The following UBR3 variants were observed in gnomAD, a reference collection of about 807,000 sequenced individuals.
UBR3 encodes E3 ubiquitin-protein ligase UBR3.
Under a neutral mutation model 243.2 loss-of-function variants are expected in UBR3, and 85 were observed. The ratio of observed to expected loss-of-function variants is 0.35; its 90% CI spans 0.29 to 0.42. UBR3 has a LOEUF of 0.42. Ranked by LOEUF, UBR3 falls within the 10% of genes least tolerant of loss-of-function variation. UBR3 has a pLI of 1.00. For missense variants in UBR3, 1,686 were observed against 2,300.8 expected (o/e 0.73, Z 5.47); for synonymous variants, 748 against 799.8 (o/e 0.94, Z 1.09).
At chr2:169,986,921 G>A in intron 25 of UBR3, 127 bp downstream of exon 25, 1 of 963,140 alleles carries the variant, frequency 1.0e-6, no homozygotes, top group Non-Finnish European at 1.5e-6. Flanking sequence ...GGTCAGTTTA[G>A]ATCCAAATAA....
Position 169,895,297 on chromosome 2 carries a change from G to A in UBR3, c.1222G>A (p.Asp408Asn), listed in dbSNP as rs1453399401. 2 of 1,543,196 alleles carry A rather than the reference G, an allele frequency of 1.3e-6. No homozygotes were observed. Reference protein sequence around the residue: ...MVTFLLNMLPDQEYKVAFTKT... With the variant: ...MVTFLLNMLPNQEYKVAFTKT... ...AACTTTCTTACTCAACATGCTTCCA[G>A]ATCAAGAGTATAAGGTATCTATATA... The change falls in exon 7 of 39, where the codon GAT becomes AAT. Residue 408 changes from aspartate (D) to asparagine (N), a missense_variant. Asp to Asn is a conservative substitution (Grantham distance 23, BLOSUM62 1). Transcript: ENST00000272793.
At chr2:170,034,226 G>C (rs1052758914) in intron 31 of UBR3, among the ~76,000 whole-genome samples, 11 of 151,856 alleles carry the variant, frequency 7.2e-5, no homozygotes, top group Non-Finnish European at 1.0e-4. Context: ...CACTCTTGCT[G>C]TTGAAGATTC....
chr2:169,832,741 C>T (rs1372222042), intron 1 of UBR3, among the ~76,000 whole-genome samples: 1 of 151,882 alleles, frequency 6.6e-6, no homozygotes, highest in Non-Finnish European at 1.5e-5. Flanking sequence ...TCAAGACCAG[C>T]CTGACCACAT....
At chr2:170,073,034 TTTTA>T (rs1574482765) in intron 35 of UBR3, among the ~76,000 whole-genome samples, 1 of 152,238 alleles carries the variant, frequency 6.6e-6, no homozygotes, top group East Asian at 1.9e-4. Flanking sequence ...AATTCCATGT[TTTTA>T]TTATTGTTCC....
At chr2:170,075,204 A>T (rs531032352) in intron 36 of UBR3, among the ~76,000 whole-genome samples, 31 of 151,572 alleles carry the variant, frequency 2.0e-4, no homozygotes, top group East Asian at 1.5e-3. Flanking sequence ...CCTTTTTTTA[A>T]AAAAAAAGGG....
intron 5 of UBR3, among the ~76,000 whole-genome samples, chr2:169,890,553 A>ATATATATATGTGTATATATATATATG (rs2084309489): frequency 7.3e-5 from 7 of 96,360 alleles, no homozygotes; most frequent in African/African-American, 3.2e-4. Context: ...ATATATATAT[A>ATATATATATGTGTATATATATATATG]TATATATATA....
chr2:169,842,041 A>T (rs1047593748), intron 1 of UBR3, among the ~76,000 whole-genome samples: 2 of 152,150 alleles, frequency 1.3e-5, no homozygotes, highest in Admixed American at 6.5e-5. Context: ...TAGCTCAGGG[A>T]TTGTAAATAC....
chr2:170,036,825 T>C (rs1242715399), intron 31 of UBR3, among the ~76,000 whole-genome samples: 1 of 152,114 alleles, frequency 6.6e-6, no homozygotes, highest in Non-Finnish European at 1.5e-5. Context: ...TCTTGACCCA[T>C]TGAAGTTTTA....
intron 1 of UBR3, among the ~76,000 whole-genome samples, chr2:169,838,797 A>C (rs907752880): frequency 6.6e-6 from 1 of 152,300 alleles, no homozygotes; most frequent in Admixed American, 6.5e-5. Context: ...CATCATTTCA[A>C]TCAGATACGG....
At chr2:169,945,884 A>G in intron 20 of UBR3, among the ~76,000 whole-genome samples, 1 of 152,244 alleles carries the variant, frequency 6.6e-6, no homozygotes, top group South Asian at 2.1e-4. Context: ...AGCTACTCAA[A>G]ATACTCAGAG....
chr2:169,892,300 T>C (rs1164757986), intron 6 of UBR3, among the ~76,000 whole-genome samples: 1 of 152,150 alleles, frequency 6.6e-6, no homozygotes. Flanking sequence ...CTTTAACTTA[T>C]CAGATATTAA....
intron 24 of UBR3, among the ~76,000 whole-genome samples, chr2:169,960,119 G>A (rs2087497520): frequency 1.3e-5 from 2 of 151,234 alleles, no homozygotes. Flanking sequence ...GGGCTTGGTG[G>A]TGCACACCTG....
intron 10 of UBR3, among the ~76,000 whole-genome samples, chr2:169,908,496 A>C (rs943180533): frequency 6.6e-6 from 1 of 152,202 alleles, no homozygotes; most frequent in Non-Finnish European, 1.5e-5. Flanking sequence ...TTATTCAAAA[A>C]ATATATGCCA....
At chr2:170,001,173 T>A (rs1052148519) in intron 26 of UBR3, 131 bp from the exon 27 acceptor site, 1 of 633,636 alleles carries the variant, frequency 1.6e-6, no homozygotes, top group Non-Finnish European at 2.6e-6. Context: ...TTAATTGATA[T>A]CACAAGAATA....
At chr2:169,984,364 T>A (rs541909924) in intron 24 of UBR3, among the ~76,000 whole-genome samples, 1 of 152,232 alleles carries the variant, frequency 6.6e-6, no homozygotes, top group East Asian at 1.9e-4. Flanking sequence ...GCATCCAAAT[T>A]GAGAAATAAA....
rs144784026 is a variant in UBR3 at position 170,018,252 on chromosome 2, T to C, written c.4453+2886T>C. Among the ~76,000 whole-genome samples, 811 of 152,300 alleles carry C rather than the reference T, an allele frequency of 5.3e-3. 9 individuals carry two copies. Among genetic ancestry groups the C allele is most frequent in the Middle Eastern group, 0.027 (8 of 294 alleles). ...TGAATCCTTTTTTGTTTGTTTGTTT[T>C]TGTTTTTGTTTTGAGCCATCTTTTC... is the stretch of plus-strand genomic sequence containing the variant. On this transcript the variant is annotated intron_variant, in intron 30 of 38. Coordinates refer to ENST00000272793, the MANE Select transcript of UBR3 (RefSeq NM_172070.4).
intron 24 of UBR3, among the ~76,000 whole-genome samples, chr2:169,982,397 T>G (rs2088779903): frequency 6.6e-6 from 1 of 152,004 alleles, no homozygotes. Context: ...ATATAAAGGT[T>G]AAGAAAGGCA....
intron 27 of UBR3, among the ~76,000 whole-genome samples, chr2:170,005,485 A>T (rs1347137806): frequency 6.6e-6 from 1 of 152,180 alleles, no homozygotes; most frequent in Non-Finnish European, 1.5e-5. Flanking sequence ...GCGAGTGGGA[A>T]ATGTTGCCAT....
chr2:170,005,633 C>T (rs12692937), intron 27 of UBR3, among the ~76,000 whole-genome samples: 31,108 of 151,974 alleles, frequency 0.2, 3,556 homozygotes, highest in East Asian at 0.37. Flanking sequence ...TTTCAGATCA[C>T]GAGTAATTTT....
Sources: gnomAD v4.1 joint callset for allele counts (sites outside exome capture counted in the v4.1 genomes callset) on GRCh38, gnomAD v4.1.1 for gene constraint, MANE v1.5 for transcripts, NCBI Gene and HGNC (gene_info 2026-07-23, HGNC 2026-07-21) for gene names.